Variants in SPATA17 observed in about 807,000 individuals in gnomAD.
SPATA17 encodes the protein spermatogenesis associated 17.
A neutral mutation model predicts 62.2 loss-of-function variants in SPATA17; 53 were observed. The observed-to-expected ratio is 0.85, with a 90% CI of 0.68 to 1.07. The LOEUF is 1.07. Among genes scored for constraint, SPATA17 ranks in the 50% least tolerant of loss-of-function variants. SPATA17 has a pLI of 0.00. For missense variants in SPATA17, 466 were observed against 425.5 expected, an observed-to-expected ratio of 1.10 and a Z score of -0.84; for synonymous variants, 146 against 146.8, an observed-to-expected ratio of 0.99 and a Z score of 0.04.
At chr1:217,656,720 C>G (rs929845373) in intron 3 of SPATA17, among the ~76,000 whole-genome samples, 1 of 152,096 alleles carries the variant, frequency 6.6e-6, no homozygotes, top group Non-Finnish European at 1.5e-5. Context: ...TGGAACATTG[C>G]ATTAAGCATT....
At chr1:217,722,167 G>A (rs1424750480) in intron 5 of SPATA17, among the ~76,000 whole-genome samples, 1 of 151,970 alleles carries the variant, frequency 6.6e-6, no homozygotes, top group African/African-American at 2.4e-5. Flanking sequence ...ATAAATGAGG[G>A]GTACTTAAAA....
chr1:217,744,152 T>A (rs377084020), intron 6 of SPATA17, among the ~76,000 whole-genome samples: 1 of 152,088 alleles, frequency 6.6e-6, no homozygotes, highest in Non-Finnish European at 1.5e-5. Context: ...ATTTTTAAAA[T>A]TAAGCACCTG....
chr1:217,682,523 A>G (rs1052584062), intron 4 of SPATA17, among the ~76,000 whole-genome samples: 12 of 152,184 alleles, frequency 7.9e-5, no homozygotes, highest in Non-Finnish European at 2.9e-5. Flanking sequence ...TCTATATTGC[A>G]ATGGTTACGA....
chr1:217,851,886 T>C (rs1353020776), intron 9 of SPATA17, among the ~76,000 whole-genome samples: 1 of 152,212 alleles, frequency 6.6e-6, no homozygotes, highest in Non-Finnish European at 1.5e-5. Context: ...AAGTCTAAAG[T>C]TGCCCTTCAT....
At chr1:217,811,152 G>C (rs1361856506) in intron 9 of SPATA17, among the ~76,000 whole-genome samples, 6 of 152,138 alleles carry the variant, frequency 3.9e-5, no homozygotes, top group African/African-American at 1.2e-4. Flanking sequence ...TCATACCTCA[G>C]CCTCCCAAAT....
chr1:217,755,642 A>C (rs914140537), intron 6 of SPATA17, among the ~76,000 whole-genome samples: 4 of 152,024 alleles, frequency 2.6e-5, no homozygotes, highest in African/African-American at 9.7e-5. Flanking sequence ...TTTTAAATTA[A>C]TTCATGTAAA....
intron 7 of SPATA17, among the ~76,000 whole-genome samples, chr1:217,777,111 A>G (rs983369197): frequency 6.6e-6 from 1 of 152,130 alleles, no homozygotes; most frequent in Non-Finnish European, 1.5e-5. Context: ...CATCCTTGCA[A>G]TAAGACAGCC....
intron 9 of SPATA17, among the ~76,000 whole-genome samples, chr1:217,840,695 C>T (rs1004865128): frequency 6.6e-6 from 1 of 151,738 alleles, no homozygotes; most frequent in African/African-American, 2.4e-5. Flanking sequence ...CCCATCTCTA[C>T]AAAAAATACA....
chr1:217,807,194 C>T (rs1489844286), intron 9 of SPATA17, among the ~76,000 whole-genome samples: 14 of 144,864 alleles, frequency 9.7e-5, no homozygotes, highest in Admixed American at 9.6e-4. Flanking sequence ...TAAGTGGGAG[C>T]TAAACGATGA....
intron 9 of SPATA17, among the ~76,000 whole-genome samples, chr1:217,821,179 G>T (rs975763260): frequency 6.6e-6 from 1 of 151,984 alleles, no homozygotes; most frequent in African/African-American, 2.4e-5. Context: ...GCCACACTGG[G>T]ATCAAATTTC....
At chr1:217,755,667 T>C (rs888929641) in intron 6 of SPATA17, among the ~76,000 whole-genome samples, 2 of 151,972 alleles carry the variant, frequency 1.3e-5, no homozygotes, top group Non-Finnish European at 2.9e-5. Context: ...TGTATGCATA[T>C]AATTTCTGTT....
rs199750135 is a variant in SPATA17, at chr1:217,862,744, T to C, written c.1006-30T>C. ...AATAACATAAAATCATGAAGATCTC[T>C]GTGGTAATCTTTGAACTTTTTCCTC... On this transcript the variant is annotated intron_variant, in intron 9 of 10. Transcript: ENST00000366933. 83 of 1,436,600 alleles carry C rather than the reference T, an allele frequency of 5.8e-5. No homozygotes were observed. The African/African-American group carries it at 9.5e-4, about 16-fold the overall frequency. 89.0% of individuals were successfully genotyped at this position (1,436,600 alleles called of 1,614,324 possible). A position where few individuals can be genotyped will look rare whatever the true frequency, so the allele number is the denominator to read the frequency against.
intron 8 of SPATA17, 141 bp from the exon 9 acceptor site, chr1:217,801,577 A>G (rs1275668670): frequency 1.8e-6 from 1 of 559,182 alleles, no homozygotes; most frequent in Non-Finnish European, 3.0e-6. Flanking sequence ...TCAGTGGCAG[A>G]GGTTGAAATG....
intron 4 of SPATA17, among the ~76,000 whole-genome samples, chr1:217,671,855 A>G (rs1670838029): frequency 6.6e-6 from 1 of 152,210 alleles, no homozygotes; most frequent in Non-Finnish European, 1.5e-5. Flanking sequence ...ACATTTCTCT[A>G]ACAAAGAAGT....
chr1:217,763,598 A>T (rs1673225269), intron 6 of SPATA17, among the ~76,000 whole-genome samples: 1 of 152,216 alleles, frequency 6.6e-6, no homozygotes, highest in South Asian at 2.1e-4. Context: ...TTTATTAAGG[A>T]ACTAAAATAC....
intron 6 of SPATA17, among the ~76,000 whole-genome samples, chr1:217,745,243 T>G (rs1177140195): frequency 6.6e-6 from 1 of 152,162 alleles, no homozygotes; most frequent in African/African-American, 2.4e-5. Context: ...GTTGGTAAAC[T>G]TCATCATAGT....
chr1:217,798,701 G>A (rs575367727), intron 8 of SPATA17, among the ~76,000 whole-genome samples: 4 of 152,288 alleles, frequency 2.6e-5, no homozygotes, highest in East Asian at 3.9e-4. Context: ...GCACCTCAGT[G>A]ATGGTTACAG....
At chr1:217,809,846 A>C (rs1046744336) in intron 9 of SPATA17, among the ~76,000 whole-genome samples, 5 of 152,192 alleles carry the variant, frequency 3.3e-5, no homozygotes, top group Non-Finnish European at 5.9e-5. Context: ...CATGCTTTTA[A>C]CTGATATGCA....
At chr1:217,637,371 A>T (rs1485986148) in intron 1 of SPATA17, among the ~76,000 whole-genome samples, 1 of 152,148 alleles carries the variant, frequency 6.6e-6, no homozygotes, top group African/African-American at 2.4e-5. Context: ...TCTTTAAATT[A>T]TTAAGTTTCT....
Sources: allele counts gnomAD v4.1 joint callset (sites outside exome capture counted in the v4.1 genomes callset), GRCh38; gene constraint gnomAD v4.1.1; transcripts MANE v1.5; gene names NCBI Gene and HGNC (gene_info 2026-07-23, HGNC 2026-07-21).